Variants in ANK3 observed in about 807,000 individuals in gnomAD.
The protein encoded by ANK3 is ankyrin-3.
In ANK3, 57 loss-of-function variants were observed where a neutral mutation model predicts 370.9. That is an observed-to-expected ratio of 0.15 (90% confidence interval 0.12 to 0.19). ANK3 has a LOEUF of 0.19. Ranked by LOEUF, ANK3 falls within the 10% of genes least tolerant of loss-of-function variation. The pLI, the probability that ANK3 is intolerant of heterozygous loss-of-function variation, is 1.00. For synonymous variants in ANK3, 1,929 were observed against 1,946.3 expected (o/e 0.99, Z 0.23); for missense variants, 4,439 against 5,302.1 (o/e 0.84, Z 5.06).
intron 2 of ANK3, among the ~76,000 whole-genome samples, chr10:60,481,094 T>A: frequency 6.6e-6 from 1 of 152,184 alleles, no homozygotes; most frequent in East Asian, 1.9e-4. Context: ...GAGTAAACAT[T>A]CAACCTCCCT....
At chr10:60,134,932 T>G (rs116408073) in intron 24 of ANK3, among the ~76,000 whole-genome samples, 1 of 152,216 alleles carries the variant, frequency 6.6e-6, no homozygotes, top group Non-Finnish European at 1.5e-5. Context: ...GAAACATTCA[T>G]ATTCCCTGCA....
chr10:60,580,207 T>G (rs867308503), intron 2 of ANK3, among the ~76,000 whole-genome samples: 2 of 152,238 alleles, frequency 1.3e-5, no homozygotes, highest in African/African-American at 4.8e-5. Flanking sequence ...ATGCTTAGTC[T>G]ATCAAGATAA....
chr10:60,238,341 A>T (rs1299508637), intron 7 of ANK3, among the ~76,000 whole-genome samples: 2 of 152,190 alleles, frequency 1.3e-5, no homozygotes, highest in Non-Finnish European at 2.9e-5. Flanking sequence ...ACTGCTGGTG[A>T]AATGTAAATT....
intron 26 of ANK3, among the ~76,000 whole-genome samples, chr10:60,111,035 C>T (rs74561864): frequency 0.047 from 7,167 of 152,182 alleles, 208 homozygotes; most frequent in Non-Finnish European, 0.058. Context: ...GTGATAAATG[C>T]TTACTGAATG....
chr10:60,534,895 G>C (rs1442387521), intron 2 of ANK3, among the ~76,000 whole-genome samples: 1 of 152,100 alleles, frequency 6.6e-6, no homozygotes, highest in Admixed American at 6.6e-5. Context: ...TAGCTTTTCA[G>C]CAAGAAACAA....
intron 1 of ANK3, among the ~76,000 whole-genome samples, chr10:60,344,275 C>T (rs903667578): frequency 7.9e-5 from 12 of 152,214 alleles, no homozygotes; most frequent in Non-Finnish European, 1.6e-4. Context: ...ATTTCATATT[C>T]CATATTAATT....
At chr10:60,030,691 C>T (rs575098006) in intron 43 of ANK3, among the ~76,000 whole-genome samples, 9 of 152,296 alleles carry the variant, frequency 5.9e-5, no homozygotes, top group African/African-American at 2.2e-4. Context: ...GCTTCTGAAA[C>T]ATGACCCAGC....
chr10:60,589,236 T>C (rs1199104526), intron 2 of ANK3, among the ~76,000 whole-genome samples: 1 of 152,162 alleles, frequency 6.6e-6, no homozygotes, highest in Non-Finnish European at 1.5e-5. Flanking sequence ...AGAAATTAGG[T>C]ACCAGTTAAA....
intron 42 of ANK3, among the ~76,000 whole-genome samples, chr10:60,055,063 A>G (rs2078887973): frequency 1.3e-5 from 2 of 152,222 alleles, no homozygotes; most frequent in South Asian, 4.1e-4. Context: ...ATGTTAAGAC[A>G]ATCATCATCA....
At chr10:60,514,633 AC>A (rs1409425093) in intron 2 of ANK3, among the ~76,000 whole-genome samples, 1 of 152,168 alleles carries the variant, frequency 6.6e-6, no homozygotes, top group Non-Finnish European at 1.5e-5. Flanking sequence ...TAGGAAAAAC[AC>A]AAAGCAAATT....
In ANK3 at chr10:60,627,025, AT is replaced by A. The variant is rs550624685; in HGVS notation, c.58-11802del. On this transcript the variant is annotated intron_variant, in intron 1 of 43. Transcript: ENST00000373827. Reference sequence around the variant, plus strand: ...GGGAGAAAGAGAACAGAGCCTTGGGATTTGCCATATTTAGGGAGAGAAGCAA... The same window carrying A: ...GGGAGAAAGAGAACAGAGCCTTGGGATTGCCATATTTAGGGAGAGAAGCAA... 1.8e-4 allele frequency among the ~76,000 whole-genome samples: 27 copies of A among 152,212 alleles called. No individual in the cohort carries two copies. The East Asian group carries it at 4.3e-3, about 24-fold the overall frequency.
chr10:60,452,045 G>A (rs753139609), intron 2 of ANK3, among the ~76,000 whole-genome samples: 3 of 152,164 alleles, frequency 2.0e-5, no homozygotes, highest in Non-Finnish European at 4.4e-5. Flanking sequence ...ACCTTCTGGG[G>A]GGAATAAAAT....
At chr10:60,187,280 C>A (rs1430165610) in intron 16 of ANK3, among the ~76,000 whole-genome samples, 1 of 151,878 alleles carries the variant, frequency 6.6e-6, no homozygotes, top group African/African-American at 2.4e-5. Flanking sequence ...CTCAGCCTCC[C>A]GAGTAGCTGG....
At chr10:60,374,891 A>G (rs1344384805) in intron 1 of ANK3, among the ~76,000 whole-genome samples, 2 of 152,174 alleles carry the variant, frequency 1.3e-5, no homozygotes, top group East Asian at 3.9e-4. Context: ...ACATATGTTC[A>G]TTTTTATGTT....
chr10:60,074,402 G>A lies in ANK3; in HGVS notation c.6479C>T (p.Pro2160Leu). The A allele has an allele frequency of 6.2e-7, 1 of 1,614,060 alleles. No homozygotes were observed. Among genetic ancestry groups the A allele is most frequent in the Non-Finnish European group, 8.5e-7 (1 of 1,179,986 alleles). Residue 2160 changes from proline (P) to leucine (L), a missense_variant, in exon 37 of 44, where the codon CCT (proline) becomes CTT (leucine). Coordinates refer to ENST00000280772, the MANE Select transcript of ANK3 (RefSeq NM_020987.5). ...KPLFHEVPIP[P>L]VITETRTEVV... ...TTCAGTTCTTGTTTCTGTAATGACAGGAGGGATGGGAACTTCATGAAAAAG... is the reference window on the plus strand; with the variant it reads ...TTCAGTTCTTGTTTCTGTAATGACAAGAGGGATGGGAACTTCATGAAAAAG...
At chr10:60,348,051 G>T (rs1453997996) in intron 1 of ANK3, among the ~76,000 whole-genome samples, 1 of 152,092 alleles carries the variant, frequency 6.6e-6, no homozygotes. Context: ...TGTACTTGAA[G>T]TGTCAGCCAG....
At chr10:60,282,796 C>A (rs902590975) in intron 1 of ANK3, among the ~76,000 whole-genome samples, 2 of 152,182 alleles carry the variant, frequency 1.3e-5, no homozygotes, top group East Asian at 3.9e-4. Context: ...AACATGCTTA[C>A]CACACCAAAA....
intron 4 of ANK3, among the ~76,000 whole-genome samples, chr10:60,271,368 C>A (rs11818170): frequency 0.094 from 14,266 of 152,014 alleles, 825 homozygotes; most frequent in South Asian, 0.17. Context: ...CCACACCTGG[C>A]TAATTTATTT....
chr10:60,105,958 T>G lies in ANK3; in HGVS notation c.3275A>C (p.Gln1092Pro). Residue 1092 changes from glutamine (Q) to proline (P), a missense_variant, in exon 28 of 44, where the codon CAG (glutamine) becomes CCG (proline). Physicochemically the swap from Gln to Pro is moderately conservative, Grantham distance 76 (BLOSUM62 -1). This residue lies in a region of ANK3 where 702 missense variants were observed against 941.5 expected (regional missense o/e 0.75). Coordinates refer to ENST00000280772, the MANE Select transcript of ANK3 (RefSeq NM_020987.5). ...TAAATCTTCATTTTTGCTGTCAAACTGATGCTCCTTCCAAGTTTCACCATT... is the reference window on the plus strand; with the variant it reads ...TAAATCTTCATTTTTGCTGTCAAACGGATGCTCCTTCCAAGTTTCACCATT... ...SENGETWKEH[Q>P]FDSKNEDLTE... 1 of 1,612,648 alleles carries G rather than the reference T, an allele frequency of 6.2e-7. No homozygotes were observed. Among genetic ancestry groups the G allele is most frequent in the Non-Finnish European group, 8.5e-7 (1 of 1,179,364 alleles).
Sources: gnomAD v4.1 joint callset for allele counts (sites outside exome capture counted in the v4.1 genomes callset) on GRCh38, gnomAD v4.1.1 for gene constraint, gnomAD v4.1.1 regional missense constraint, MANE v1.5 for transcripts, NCBI Gene and HGNC (gene_info 2026-07-23, HGNC 2026-07-21) for gene names.